Variants in SRBD1 observed in about 807,000 individuals in gnomAD.
SRBD1 encodes S1 RNA binding domain 1, also known as S1 RNA-binding domain-containing protein 1.
In SRBD1, 88 loss-of-function variants were observed where a neutral mutation model predicts 115.3. The observed-to-expected ratio is 0.76, with a 90% CI of 0.64 to 0.91. The LOEUF is 0.91. Ranked by LOEUF, SRBD1 falls within the 40% of genes least tolerant of loss-of-function variation. The pLI, the probability that SRBD1 is intolerant of heterozygous loss-of-function variation, is 0.00. For missense variants in SRBD1, 1,385 were observed against 1,177.4 expected, an observed-to-expected ratio of 1.18 and a Z score of -2.58; for synonymous variants, 509 against 407.7, an observed-to-expected ratio of 1.25 and a Z score of -2.99.
At chr2:45,592,543 C>T (rs1460474008) in intron 4 of SRBD1, among the ~76,000 whole-genome samples, 1 of 152,198 alleles carries the variant, frequency 6.6e-6, no homozygotes, top group Non-Finnish European at 1.5e-5. Context: ...CAAACTTCCA[C>T]TCCTACTCTG....
intron 14 of SRBD1, 92 bp from the exon 15 acceptor site, chr2:45,488,423 A>G: frequency 1.0e-6 from 1 of 1,004,050 alleles, no homozygotes; most frequent in Non-Finnish European, 1.5e-6. Context: ...ACCAGAAAAA[A>G]AAAAATAACA....
chr2:45,581,712 A>T lies in SRBD1; in HGVS notation c.914T>A (p.Phe305Tyr). The change falls in exon 6 of 21, where the codon TTT (phenylalanine) becomes TAT (tyrosine). Residue 305 changes from phenylalanine (F) to tyrosine (Y), a missense_variant. By Grantham distance (22) the Phe-to-Tyr change is conservative. Transcript: ENST00000263736. The part of the protein sequence containing the change: ...LLKAMLNCKT[F>Y]EELEHVSAPY... ...CCTTACCACGTGTTCTAGTTCTTCAAAAGTTTTACAATTCAGCATGGCTTT... is the reference window on the plus strand; with the variant it reads ...CCTTACCACGTGTTCTAGTTCTTCATAAGTTTTACAATTCAGCATGGCTTT... 1 of 1,613,102 alleles carries T rather than the reference A, an allele frequency of 6.2e-7. No individual in the cohort carries two copies. The highest frequency in any genetic ancestry group is 8.5e-7 in the Non-Finnish European group (1 of 1,179,634).
chr2:45,602,418 A>G (rs1466806758), intron 2 of SRBD1, among the ~76,000 whole-genome samples: 2 of 152,244 alleles, frequency 1.3e-5, no homozygotes, highest in African/African-American at 4.8e-5. Context: ...AACTATAGTC[A>G]ATGTGAGCTT....
At chr2:45,558,480 G>A (rs1290010476) in intron 10 of SRBD1, among the ~76,000 whole-genome samples, 1 of 151,954 alleles carries the variant, frequency 6.6e-6, no homozygotes, top group Admixed American at 6.6e-5. Context: ...TTCCAAATGA[G>A]GAATTGTTCA....
At chr2:45,566,412 A>G (rs1426788171) in intron 9 of SRBD1, among the ~76,000 whole-genome samples, 2 of 152,238 alleles carry the variant, frequency 1.3e-5, no homozygotes, top group Non-Finnish European at 2.9e-5. Context: ...ACCATAACAG[A>G]CAAACTCTGA....
intron 7 of SRBD1, 35 bp downstream of exon 7, chr2:45,579,838 AAG>A (rs869197813): frequency 5.4e-6 from 8 of 1,480,548 alleles, no homozygotes; most frequent in South Asian, 2.9e-5. Flanking sequence ...AAAAAAAAAA[AAG>A]AAACAAAGTT....
chr2:45,427,111 T>C (rs1393438311), intron 16 of SRBD1, among the ~76,000 whole-genome samples: 1 of 151,942 alleles, frequency 6.6e-6, no homozygotes, highest in Admixed American at 6.6e-5. Context: ...TGAAAAAAGG[T>C]TAGAGGAATT....
At chr2:45,572,532 T>C (rs1386800430) in intron 9 of SRBD1, among the ~76,000 whole-genome samples, 1 of 152,100 alleles carries the variant, frequency 6.6e-6, no homozygotes. Context: ...TTGTCACTAG[T>C]AGACCTGCCT....
chr2:45,439,875 C>T (rs138736233), intron 16 of SRBD1, among the ~76,000 whole-genome samples: 78 of 152,094 alleles, frequency 5.1e-4, no homozygotes, highest in Middle Eastern at 3.4e-3. Context: ...AAGACAACAG[C>T]AGTGCCCTTA....
chr2:45,535,287 G>A (rs1241991924), intron 14 of SRBD1, among the ~76,000 whole-genome samples: 2 of 151,684 alleles, frequency 1.3e-5, no homozygotes, highest in Non-Finnish European at 2.9e-5. Context: ...GCTGTGCTGA[G>A]GTCCAGATGT....
intron 6 of SRBD1, among the ~76,000 whole-genome samples, chr2:45,580,871 G>T (rs866584401): frequency 2.0e-5 from 3 of 150,608 alleles, no homozygotes; most frequent in Middle Eastern, 3.4e-3. Context: ...TTTTAGTAGA[G>T]ACGGGGTTTC....
At chr2:45,413,337 T>C (rs1016529987) in intron 18 of SRBD1, 44 bp from the exon 19 acceptor site, 2 of 1,576,922 alleles carry the variant, frequency 1.3e-6, no homozygotes, top group South Asian at 2.4e-5. Context: ...AAGGGGAAGG[T>C]TGGGCAGAAA....
At position 45,579,900 on chromosome 2, in the gene SRBD1, T is replaced by C. The variant is rs374449239; in HGVS notation, c.1047A>G (p.Leu349=). The C allele has an allele frequency of 4.0e-5, 65 of 1,607,660 alleles. No homozygotes were observed. Among genetic ancestry groups the C allele is most frequent in the African/African-American group, 6.7e-5 (5 of 74,424 alleles). Residue 349 remains leucine, a synonymous_variant, in exon 7 of 21, where the codon CTA becomes CTG. Coordinates refer to ENST00000263736, the MANE Select transcript of SRBD1 (RefSeq NM_018079.5). ...LLEKPGELSL[L]SYIRPDVKGL... ...CTTTAACGTCAGGCCTAATGTACGA[T>C]AGCAGACTGAGCTCCCCTGGTTTCT...
intron 14 of SRBD1, among the ~76,000 whole-genome samples, chr2:45,504,085 T>C (rs1413220211): frequency 6.6e-6 from 1 of 152,228 alleles, no homozygotes; most frequent in Non-Finnish European, 1.5e-5. Flanking sequence ...ATGGATCTTA[T>C]TGATAACATA....
intron 19 of SRBD1, among the ~76,000 whole-genome samples, chr2:45,405,392 G>A (rs1027122224): frequency 2.0e-5 from 3 of 152,070 alleles, no homozygotes; most frequent in Non-Finnish European, 2.9e-5. Context: ...TGTAAAAGGA[G>A]GGACAAAGGG....
intron 10 of SRBD1, among the ~76,000 whole-genome samples, chr2:45,554,592 C>A (rs1397021111): frequency 6.6e-6 from 1 of 152,148 alleles, no homozygotes; most frequent in African/African-American, 2.4e-5. Flanking sequence ...GCCACAGAAC[C>A]AATTGTTAAT....
chr2:45,389,840 T>C lies in SRBD1; in HGVS notation c.2699-241A>G, dbSNP rs185365080. Among the ~76,000 whole-genome samples, 4 of 152,328 alleles carry C rather than the reference T, an allele frequency of 2.6e-5. No individual in the cohort carries two copies. In the East Asian group the frequency reaches 7.7e-4, roughly 29 times the overall value. On this transcript the variant is annotated intron_variant, in intron 20 of 20. Coordinates refer to ENST00000263736, the MANE Select transcript of SRBD1 (RefSeq NM_018079.5). ...TACTTCCTTCTACAATGCTACACAC[T>C]AGCATTATACATAAGGATCGAGAAG...
At chr2:45,589,465 C>CA (rs752205912) in intron 4 of SRBD1, among the ~76,000 whole-genome samples, 1 of 152,162 alleles carries the variant, frequency 6.6e-6, no homozygotes, top group Non-Finnish European at 1.5e-5. Context: ...TTCTGAAAGA[C>CA]AGAGATGACA....
chr2:45,567,867 T>C (rs1041888700), intron 9 of SRBD1: 2 of 152,190 alleles, frequency 1.3e-5, no homozygotes, highest in South Asian at 2.1e-4. Flanking sequence ...TACCATAATA[T>C]CACAATACAT....
Sources: allele counts gnomAD v4.1 joint callset (sites outside exome capture counted in the v4.1 genomes callset), GRCh38; gene constraint gnomAD v4.1.1; transcripts MANE v1.5; gene names NCBI Gene and HGNC (gene_info 2026-07-23, HGNC 2026-07-21).